The following HIP1 variants were observed in gnomAD, a reference collection of about 807,000 sequenced individuals.
The protein encoded by HIP1 is huntingtin interacting protein 1.
A neutral mutation model predicts 147.6 loss-of-function variants in HIP1; 65 were observed. That is an observed-to-expected ratio of 0.44 (90% confidence interval 0.36 to 0.54). The LOEUF (loss-of-function observed/expected upper bound fraction) is 0.54. Ranked by LOEUF, HIP1 falls within the 20% of genes least tolerant of loss-of-function variation. The pLI is 0.00. For missense variants in HIP1, 1,061 were observed against 1,299.6 expected (o/e 0.82, Z 2.82); for synonymous variants, 479 against 504.0 (o/e 0.95, Z 0.67).
intron 21 of HIP1, 86 bp from the exon 22 acceptor site, chr7:75,553,675 G>T (rs760498339): frequency 3.1e-6 from 4 of 1,284,332 alleles, no homozygotes; most frequent in East Asian, 5.0e-5. Flanking sequence ...GCGCCATCTC[G>T]GCTCACTGCA....
intron 12 of HIP1, among the ~76,000 whole-genome samples, chr7:75,561,696 G>A (rs1407042758): frequency 6.6e-6 from 1 of 152,214 alleles, no homozygotes; most frequent in Non-Finnish European, 1.5e-5. Context: ...AGGCTGAAGT[G>A]TAGTGGCACG....
intron 2 of HIP1, among the ~76,000 whole-genome samples, chr7:75,596,235 C>CAAAAAAAAAAAAAA (rs10658504): frequency 1.7e-5 from 1 of 59,604 alleles, no homozygotes; most frequent in Non-Finnish European, 3.1e-5. Context: ...GACCCTGCCT[C>CAAAAAAAAAAAAAA]AAAAAAAAAA....
At chr7:75,578,614 G>C (rs924854573) in intron 7 of HIP1, among the ~76,000 whole-genome samples, 2 of 152,158 alleles carry the variant, frequency 1.3e-5, no homozygotes, top group Non-Finnish European at 2.9e-5. Context: ...AGAAGCGGAG[G>C]TTGCAGTGAG....
chr7:75,603,884 G>GA (rs374940414), intron 1 of HIP1, among the ~76,000 whole-genome samples: 198 of 143,688 alleles, frequency 1.4e-3, no homozygotes, highest in African/African-American at 4.1e-3. Context: ...CAAAAAAAAG[G>GA]AAAAAAAAAA....
At chr7:75,539,698 A>G (rs1275277776) in intron 29 of HIP1, among the ~76,000 whole-genome samples, 4 of 151,944 alleles carry the variant, frequency 2.6e-5, no homozygotes, top group South Asian at 4.1e-4. Context: ...CCGTTTCCAT[A>G]CTTTATCTGG....
At chr7:75,738,733 C>G in intron 1 of HIP1, 68 bp downstream of exon 1, 1 of 1,547,052 alleles carries the variant, frequency 6.5e-7, no homozygotes. Context: ...CTACTCCCTT[C>G]AAAGCCCCTC....
Position 75,535,392 on chromosome 7 carries a change from G to A in HIP1, c.*2780C>T, listed in dbSNP as rs879966435. On this transcript the variant is annotated 3_prime_UTR_variant, in exon 31 of 31. Coordinates refer to ENST00000336926, the MANE Select transcript of HIP1 (RefSeq NM_005338.7). ...TTTTTTTGAGACAGGGTCTCACTCT[G>A]TCACCCAGGCCGGAGTGCACTGGCA... The A allele has an allele frequency of 1.1e-5, 2 of 185,284 alleles. No homozygotes were observed. The highest frequency in any genetic ancestry group is 3.9e-4 in the South Asian group (2 of 5,106). The allele number at this position is 185,284 out of a possible 1,614,324, so 11.5% of individuals were successfully genotyped here.
chr7:75,536,524 G>A lies in HIP1; in HGVS notation c.*1648C>T, dbSNP rs1326410481. Reference sequence around the variant, plus strand: ...GGAAGACGCTGTTTTTCCAAGATCAGAAGGTCACTTAAATGCTGGGGTCCA... The same window carrying A: ...GGAAGACGCTGTTTTTCCAAGATCAAAAGGTCACTTAAATGCTGGGGTCCA... On this transcript the variant is annotated 3_prime_UTR_variant, in exon 31 of 31. Coordinates refer to ENST00000336926, the MANE Select transcript of HIP1 (RefSeq NM_005338.7). 8.7e-6 allele frequency: 2 copies of A among 230,514 alleles called. No homozygotes were observed. Among genetic ancestry groups the A allele is most frequent in the African/African-American group, 4.4e-5 (2 of 45,154 alleles). The allele number at this position is 230,514 out of a possible 1,614,324, so 14.3% of individuals were successfully genotyped here.
At chr7:75,715,456 C>CAGAGAGAGAG (rs782012723) in intron 1 of HIP1, among the ~76,000 whole-genome samples, 2 of 143,486 alleles carry the variant, frequency 1.4e-5, no homozygotes, top group South Asian at 4.4e-4. Flanking sequence ...GAGAGACACA[C>CAGAGAGAGAG]ACAGAGAGAG....
chr7:75,551,324 AG>A (rs1221631901), intron 22 of HIP1, among the ~76,000 whole-genome samples: 1 of 148,324 alleles, frequency 6.7e-6, no homozygotes, highest in Non-Finnish European at 1.5e-5. Context: ...CAGCCTCTCA[AG>A]TAGCTGGGAT....
At chr7:75,591,669 G>A (rs1796504731) in intron 4 of HIP1, among the ~76,000 whole-genome samples, 1 of 149,898 alleles carries the variant, frequency 6.7e-6, no homozygotes, top group African/African-American at 2.5e-5. Context: ...AGGATCACTT[G>A]AGGCCAGGAG....
In HIP1 at chr7:75,555,520, C is replaced by A. The variant is rs374190507; in HGVS notation, c.1859G>T (p.Arg620Leu). ...CCTGGACCCCACCAGAAGCATTTTT[C>A]GTTGGTCTTTGGCAAGCTGGCACAT... is the stretch of plus-strand genomic sequence containing the variant. ...ESMCQLAKDQRKMLLVGSRKA... is the reference protein window; with the variant it reads ...ESMCQLAKDQLKMLLVGSRKA... Residue 620 changes from arginine (R) to leucine (L), a missense_variant, in exon 19 of 31, where the codon CGA becomes CTA. Arg to Leu is a moderately radical substitution (Grantham distance 102). Coordinates refer to ENST00000336926, the MANE Select transcript of HIP1 (RefSeq NM_005338.7). The A allele has an allele frequency of 6.2e-7, 1 of 1,614,190 alleles. No individual in the cohort carries two copies. Among genetic ancestry groups the A allele is most frequent in the Non-Finnish European group, 8.5e-7 (1 of 1,180,020 alleles).
At chr7:75,550,360 C>G (rs782154575) in intron 22 of HIP1, among the ~76,000 whole-genome samples, 16 of 152,190 alleles carry the variant, frequency 1.1e-4, no homozygotes, top group Non-Finnish European at 2.2e-4. Context: ...TTACTCCCTG[C>G]CTTCTACCCC....
intron 1 of HIP1, among the ~76,000 whole-genome samples, chr7:75,641,880 TA>T (rs1554510553): frequency 6.6e-6 from 1 of 152,174 alleles, no homozygotes; most frequent in Admixed American, 6.5e-5. Context: ...AAGGCAGCCT[TA>T]ATTCCTCCAG....
Position 75,554,171 on chromosome 7 carries a change from G to A in HIP1, c.2100C>T (p.Ser700=), listed in dbSNP as rs782514450. ...HSITLLAHLT[S]DAIAHGATTC... ...TGGTGGCACCATGAGCAATGGCGTC[G>A]CTGGTCAAGTGGGCCAGCAGGGTTA... is the stretch of plus-strand genomic sequence containing the variant. Residue 700 remains serine, a synonymous_variant, in exon 21 of 31, where the codon AGC becomes AGT. Transcript: ENST00000336926. 1.3e-5 allele frequency: 21 copies of A among 1,613,912 alleles called. No homozygotes were observed. In the East Asian group the frequency reaches 3.8e-4, roughly 29 times the overall value.
chr7:75,663,357 A>G (rs1799377748), intron 1 of HIP1, among the ~76,000 whole-genome samples: 1 of 152,118 alleles, frequency 6.6e-6, no homozygotes. Context: ...CCAGCTACTC[A>G]GGAGGCTGAG....
rs1286688347 is a variant in HIP1 at position 75,639,180 on chromosome 7, G to C, written c.121-39933C>G. 6.1e-6 allele frequency: 6 copies of C among 982,614 alleles called. No individual in the cohort carries two copies. The African/African-American group carries it at 8.8e-5, about 14-fold the overall frequency. 60.9% of individuals were successfully genotyped at this position (982,614 alleles called of 1,614,324 possible). ...TGCTGCGGGGAGGGCGGCCGGCAGG[G>C]CCCCCGCGGACCGGGGCAGGCGGCG... On this transcript the variant is annotated intron_variant, in intron 1 of 30. Coordinates refer to ENST00000336926, the MANE Select transcript of HIP1 (RefSeq NM_005338.7).
chr7:75,712,177 CG>C (rs1291887433), intron 1 of HIP1, among the ~76,000 whole-genome samples: 7 of 151,902 alleles, frequency 4.6e-5, no homozygotes, highest in African/African-American at 1.7e-4. Context: ...CTCTTCTTTA[CG>C]GGGGGAAAAA....
At chr7:75,695,790 G>A (rs544579509) in intron 1 of HIP1, among the ~76,000 whole-genome samples, 2 of 152,096 alleles carry the variant, frequency 1.3e-5, no homozygotes, top group African/African-American at 2.4e-5. Flanking sequence ...GGCCAGGCTG[G>A]TCTCGAACTC....
Sources: allele counts gnomAD v4.1 joint callset (sites outside exome capture counted in the v4.1 genomes callset), GRCh38; gene constraint gnomAD v4.1.1; transcripts MANE v1.5; gene names NCBI Gene and HGNC (gene_info 2026-07-23, HGNC 2026-07-21).